The following PCDHGA10 variants were observed in gnomAD, a reference collection of about 807,000 sequenced individuals.
PCDHGA10 encodes the protein protocadherin gamma-A10.
Under a neutral mutation model 59.5 loss-of-function variants are expected in PCDHGA10, and 42 were observed. The observed-to-expected ratio is 0.71, with a 90% CI of 0.55 to 0.91. PCDHGA10 has a LOEUF of 0.91. Among genes scored for constraint, PCDHGA10 ranks in the 40% least tolerant of loss-of-function variants. PCDHGA10 has a pLI of 0.00. For synonymous variants in PCDHGA10, 511 were observed against 517.2 expected, an observed-to-expected ratio of 0.99 and a Z score of 0.16; for missense variants, 1,111 against 1,198.2, an observed-to-expected ratio of 0.93 and a Z score of 1.07.
intron 1 of PCDHGA10, chr5:141,426,581 C>A: frequency 2.8e-6 from 1 of 358,468 alleles, no homozygotes. Context: ...TCTTCAAAAT[C>A]CTCTGTGTCA....
intron 1 of PCDHGA10, among the ~76,000 whole-genome samples, chr5:141,448,842 G>A (rs943887884): frequency 6.6e-6 from 1 of 152,182 alleles, no homozygotes; most frequent in Non-Finnish European, 1.5e-5. Context: ...CTACTCTGGA[G>A]GCTGAGGCAG....
chr5:141,431,389 G>T lies in PCDHGA10; in HGVS notation c.2436+15778G>T, dbSNP rs1213370298. 1 of 1,613,876 alleles carries T rather than the reference G, an allele frequency of 6.2e-7. No homozygotes were observed. Among genetic ancestry groups the T allele is most frequent in the Admixed American group, 1.7e-5 (1 of 60,028 alleles). On this transcript the variant is annotated intron_variant, in intron 1 of 3. Transcript: ENST00000398610. This position sits in a 1 kb window ranked among gnomAD's most constrained non-coding sequence, Gnocchi z 4.8. ...GCGAAGAAAAGGCTGCTCACCACCT[G>T]GTCCTTACGGCCTCCGACGGGGGCG...
chr5:141,447,257 A>G (rs1182682161), intron 1 of PCDHGA10, among the ~76,000 whole-genome samples: 1 of 152,080 alleles, frequency 6.6e-6, no homozygotes, highest in Non-Finnish European at 1.5e-5. Flanking sequence ...CTTCTGTCTC[A>G]GCCTCCCAAG....
At chr5:141,452,017 C>T (rs181614467) in intron 1 of PCDHGA10, among the ~76,000 whole-genome samples, 10 of 152,344 alleles carry the variant, frequency 6.6e-5, no homozygotes, top group Non-Finnish European at 1.2e-4. Flanking sequence ...CCAGCCCACA[C>T]TCTGGGGAGA....
chr5:141,505,155 C>T (rs2099844224), intron 2 of PCDHGA10, among the ~76,000 whole-genome samples: 1 of 152,162 alleles, frequency 6.6e-6, no homozygotes, highest in Non-Finnish European at 1.5e-5. Context: ...GAGTAAGACC[C>T]TGTCTAAAAC....
chr5:141,469,747 C>T (rs1392088794), intron 1 of PCDHGA10, among the ~76,000 whole-genome samples: 1 of 152,134 alleles, frequency 6.6e-6, no homozygotes, highest in Non-Finnish European at 1.5e-5. Context: ...TCAAAAATTA[C>T]AAAAATACAT....
intron 1 of PCDHGA10, chr5:141,478,196 C>T: frequency 6.2e-7 from 1 of 1,614,068 alleles, no homozygotes; most frequent in Middle Eastern, 1.6e-4. Context: ...CACCTTTTAT[C>T]TACTTCTTTC....
chr5:141,459,090 A>G (rs769066156), intron 1 of PCDHGA10, among the ~76,000 whole-genome samples: 4 of 152,218 alleles, frequency 2.6e-5, no homozygotes, highest in Non-Finnish European at 4.4e-5. Flanking sequence ...TTAAAATTAT[A>G]CAGTGCAATG....
In PCDHGA10 at chr5:141,487,494, C is replaced by T. The variant is rs116370895; in HGVS notation, c.2437-7313C>T. 12 of 1,614,120 alleles carry T rather than the reference C, an allele frequency of 7.4e-6. No individual in the cohort carries two copies. The East Asian group carries it at 1.1e-4, about 15-fold the overall frequency. On this transcript the variant is annotated intron_variant, in intron 1 of 3. Transcript: ENST00000398610. The surrounding 1 kb of genome is among the most constrained non-coding windows in gnomAD (Gnocchi z 5.0). Reference sequence around the variant, plus strand: ...GGAGGCCACTCTCATGGCTGTACACCCTTGGCTTCTGCACCCACTCGGAGT... The same window carrying T: ...GGAGGCCACTCTCATGGCTGTACACTCTTGGCTTCTGCACCCACTCGGAGT...
Position 141,476,852 on chromosome 5 carries a change from C to T in PCDHGA10, c.2437-17955C>T. 6.2e-7 allele frequency: 1 copy of T among 1,613,828 alleles called. No homozygotes were observed. Among genetic ancestry groups the T allele is most frequent in the Non-Finnish European group, 8.5e-7 (1 of 1,180,044 alleles). ...GAATGACAATGCGCCTGTCTTCAAC[C>T]AGTCCTTGTACCGGGCGCGCGTCCT... On this transcript the variant is annotated intron_variant, in intron 1 of 3. Coordinates refer to ENST00000398610, the MANE Select transcript of PCDHGA10 (RefSeq NM_018913.3). This position sits in a 1 kb window ranked among gnomAD's most constrained non-coding sequence, Gnocchi z 7.6.
At chr5:141,488,762 C>T (rs1470160100) in intron 1 of PCDHGA10, among the ~76,000 whole-genome samples, 1 of 152,142 alleles carries the variant, frequency 6.6e-6, no homozygotes, top group Non-Finnish European at 1.5e-5. Context: ...TGGGACAGAA[C>T]GCTGAGGAGT....
chr5:141,489,625 A>G lies in PCDHGA10; in HGVS notation c.2437-5182A>G. ...GGTAGAGATCCTGGATCTCAATGAC[A>G]ACTCTCCTAGCTTTGCCACCCCTGA... On this transcript the variant is annotated intron_variant, in intron 1 of 3. Transcript: ENST00000398610. The surrounding 1 kb of genome is among the most constrained non-coding windows in gnomAD (Gnocchi z 4.5). 6.2e-7 allele frequency: 1 copy of G among 1,614,076 alleles called. No homozygotes were observed. The highest frequency in any genetic ancestry group is 8.5e-7 in the Non-Finnish European group (1 of 1,180,006).
intron 1 of PCDHGA10, among the ~76,000 whole-genome samples, chr5:141,462,639 C>T (rs2099043867): frequency 7.2e-6 from 1 of 138,292 alleles, no homozygotes. Flanking sequence ...TTGACTCTTT[C>T]ATTTCCATCC....
At chr5:141,443,442 C>T (rs571341362) in intron 1 of PCDHGA10, among the ~76,000 whole-genome samples, 9 of 152,202 alleles carry the variant, frequency 5.9e-5, no homozygotes, top group East Asian at 1.9e-4. Context: ...GCTGTGGTTG[C>T]GCTCCTGTAC....
intron 1 of PCDHGA10, among the ~76,000 whole-genome samples, chr5:141,454,596 G>C (rs1184158084): frequency 1.3e-5 from 2 of 151,324 alleles, no homozygotes; most frequent in Non-Finnish European, 2.9e-5. Flanking sequence ...AGTAGAGACA[G>C]GGTTTCTCCA....
intron 2 of PCDHGA10, 119 bp from the exon 3 acceptor site, chr5:141,505,274 C>T: frequency 6.6e-7 from 1 of 1,524,344 alleles, no homozygotes; most frequent in East Asian, 2.3e-5. Flanking sequence ...CTGAGAGAAA[C>T]AGGTCTTGGG....
At chr5:141,417,602 C>T (rs556223277) in intron 1 of PCDHGA10, 2 of 510,170 alleles carry the variant, frequency 3.9e-6, no homozygotes, top group Admixed American at 3.8e-5. Context: ...TGGGCGCCGC[C>T]GTCGGCCAGT....
In PCDHGA10 at chr5:141,487,470, G is replaced by C; in HGVS notation, c.2437-7337G>C. ...GACCCTATCAAGTTTGTTGATGTGG[G>C]AGGCCACTCTCATGGCTGTACACCC... On this transcript the variant is annotated intron_variant, in intron 1 of 3. Coordinates refer to ENST00000398610, the MANE Select transcript of PCDHGA10 (RefSeq NM_018913.3). The surrounding 1 kb of genome is among the most constrained non-coding windows in gnomAD (Gnocchi z 5.0). The C allele has an allele frequency of 1.9e-6, 3 of 1,614,162 alleles. No individual in the cohort carries two copies. Among genetic ancestry groups the C allele is most frequent in the South Asian group, 1.1e-5 (1 of 91,084 alleles).
Position 141,485,193 on chromosome 5 carries a change from G to C in PCDHGA10, c.2437-9614G>C. 1 of 1,613,988 alleles carries C rather than the reference G, an allele frequency of 6.2e-7. No individual in the cohort carries two copies. Among genetic ancestry groups the C allele is most frequent in the Non-Finnish European group, 8.5e-7 (1 of 1,179,852 alleles). On this transcript the variant is annotated intron_variant, in intron 1 of 3. Transcript: ENST00000398610. This position sits in a 1 kb window ranked among gnomAD's most constrained non-coding sequence, Gnocchi z 5.7. ...GCAGCAATGCTCCGCAAGGTGAGAA[G>C]CTGGACAGAAATCTGGCGGTGGGCT...
Sources: gnomAD v4.1 joint callset for allele counts (sites outside exome capture counted in the v4.1 genomes callset) on GRCh38, gnomAD v4.1.1 for gene constraint, Gnocchi (gnomAD v3.1) non-coding constraint, MANE v1.5 for transcripts, NCBI Gene and HGNC (gene_info 2026-07-23, HGNC 2026-07-21) for gene names.